The following VPS45 variants were observed in gnomAD, a reference collection of about 807,000 sequenced individuals.
VPS45 encodes the protein vacuolar protein sorting 45 homolog, also known as vacuolar protein sorting-associated protein 45.
Under a neutral mutation model 75.9 loss-of-function variants are expected in VPS45, and 35 were observed. The ratio of observed to expected loss-of-function variants is 0.46; its 90% CI spans 0.35 to 0.61. The LOEUF (loss-of-function observed/expected upper bound fraction) is 0.61, where lower values mean the gene tolerates loss of function less well. Among genes scored for constraint, VPS45 ranks in the 20% least tolerant of loss-of-function variants. The pLI, the probability that VPS45 is intolerant of heterozygous loss-of-function variation, is 0.00. For synonymous variants in VPS45, 220 were observed against 238.2 expected (o/e 0.92, Z 0.70); for missense variants, 559 against 685.9 (o/e 0.81, Z 2.07).
Position 150,077,158 on chromosome 1 carries a change from C to G in VPS45, c.503C>G (p.Ser168Cys). 1 of 1,614,106 alleles carries G rather than the reference C, an allele frequency of 6.2e-7. No individual in the cohort carries two copies. ...CAAGGGCTTACAGCTCTCCTTTTAT[C>G]TCTGAAGAAGTGTCCCATGATTCGT... ...TTQGLTALLL[S>C]LKKCPMIRYQ... is the part of the protein sequence containing the mutation. Residue 168 changes from serine (S) to cysteine (C), a missense_variant, in exon 6 of 15, where the codon TCT (serine) becomes TGT (cysteine). Transcript: ENST00000644510.
chr1:150,138,262 C>G (rs1344045559), intron 14 of VPS45, among the ~76,000 whole-genome samples: 6 of 152,098 alleles, frequency 3.9e-5, no homozygotes, highest in African/African-American at 1.4e-4. Context: ...AGTTCCCTTA[C>G]TTATTTTTTA....
chr1:150,131,625 A>G (rs1553812386), intron 14 of VPS45, among the ~76,000 whole-genome samples: 1 of 151,276 alleles, frequency 6.6e-6, no homozygotes, highest in Non-Finnish European at 1.5e-5. Flanking sequence ...ACTTGAGGCC[A>G]GGAGTTCGAG....
intron 2 of VPS45, among the ~76,000 whole-genome samples, chr1:150,070,177 C>T (rs1357779896): frequency 2.0e-5 from 3 of 152,080 alleles, no homozygotes; most frequent in African/African-American, 7.2e-5. Context: ...TCTTTATCTC[C>T]CTATTGTGTG....
At chr1:150,117,455 G>T (rs1457632048) in intron 14 of VPS45, among the ~76,000 whole-genome samples, 1 of 151,948 alleles carries the variant, frequency 6.6e-6, no homozygotes, top group Non-Finnish European at 1.5e-5. Flanking sequence ...CTGGGAGGCG[G>T]AGGTTGCAGT....
intron 12 of VPS45, 52 bp from the exon 13 acceptor site, chr1:150,093,475 T>C: frequency 6.3e-7 from 1 of 1,595,350 alleles, no homozygotes; most frequent in Non-Finnish European, 8.5e-7. Context: ...TATTAATTCT[T>C]GTGTTGCCAA....
rs587634525 is a variant in VPS45 at position 150,079,938 on chromosome 1, C to T, written c.688-1404C>T. On this transcript the variant is annotated intron_variant, in intron 7 of 14. Transcript: ENST00000644510. ...TATTATTCTGTCTCCCAAAGAAAAG[C>T]AACTATTTATCCCACAGATTTCACT... Among the ~76,000 whole-genome samples, 5 of 152,236 alleles carry T rather than the reference C, an allele frequency of 3.3e-5. No individual in the cohort carries two copies. The East Asian group carries it at 9.6e-4, about 29-fold the overall frequency.
intron 14 of VPS45, among the ~76,000 whole-genome samples, chr1:150,144,195 C>A (rs1659555626): frequency 6.6e-6 from 1 of 152,010 alleles, no homozygotes; most frequent in Non-Finnish European, 1.5e-5. Flanking sequence ...GCAATCCACC[C>A]GCCTCAGCCT....
At chr1:150,139,396 A>G (rs76491073) in intron 14 of VPS45, among the ~76,000 whole-genome samples, 230 of 152,238 alleles carry the variant, frequency 1.5e-3, no homozygotes, top group African/African-American at 5.4e-3. Flanking sequence ...TCTTTCCCAG[A>G]TACATGCTCT....
In VPS45 at chr1:150,077,113, C is replaced by T; in HGVS notation, c.458C>T (p.Ala153Val). Residue 153 changes from alanine (A) to valine (V), a missense_variant, in exon 6 of 15, where the codon GCC (alanine) becomes GTC (valine). Physicochemically the swap from Ala to Val is moderately conservative, Grantham distance 64 (BLOSUM62 0). Coordinates refer to ENST00000644510, the MANE Select transcript of VPS45 (RefSeq NM_007259.5). ...AAAAAGGGTCGAAATTGGGATCCAG[C>T]CCAGCTATCTAGAACAACTCAAGGG... is the stretch of plus-strand genomic sequence containing the variant. ...GCCQGRNWDP[A>V]QLSRTTQGLT... The T allele has an allele frequency of 1.2e-6, 2 of 1,613,988 alleles. No individual in the cohort carries two copies. Among genetic ancestry groups the T allele is most frequent in the Non-Finnish European group, 1.7e-6 (2 of 1,179,980 alleles).
chr1:150,139,794 G>A (rs1553814792), intron 14 of VPS45, among the ~76,000 whole-genome samples: 1 of 152,158 alleles, frequency 6.6e-6, no homozygotes, highest in African/African-American at 2.4e-5. Flanking sequence ...CAAGCAATAG[G>A]ATTAAAAATA....
chr1:150,100,986 C>G (rs1656946385), intron 13 of VPS45, among the ~76,000 whole-genome samples: 1 of 152,086 alleles, frequency 6.6e-6, no homozygotes, highest in African/African-American at 2.4e-5. Flanking sequence ...CTATAAAGAA[C>G]TTAAACAAAT....
chr1:150,107,176 T>C (rs886472917), intron 13 of VPS45, among the ~76,000 whole-genome samples: 4 of 152,232 alleles, frequency 2.6e-5, no homozygotes, highest in Admixed American at 2.6e-4. Flanking sequence ...AAAACTCATC[T>C]ATTCCCATGG....
rs1434087138 is a variant in VPS45, at chr1:150,075,074, A to G, written c.290-1159A>G. On this transcript the variant is annotated intron_variant, in intron 3 of 14. Coordinates refer to ENST00000644510, the MANE Select transcript of VPS45 (RefSeq NM_007259.5). The stretch of plus-strand genomic sequence containing the variant: ...TTCCCAGGTTCAAGTGATGTTGCCC[A>G]GGCTGGTCTTGAACTCTTAGTACCA... 1.5e-5 allele frequency among the ~76,000 whole-genome samples: 2 copies of G among 132,964 alleles called. 1 individual carries two copies. The highest frequency in any genetic ancestry group is 6.0e-5 in the African/African-American group (2 of 33,432). 87.2% of individuals were successfully genotyped at this position (132,964 alleles called of 152,430 possible).
intron 6 of VPS45, 192 bp from the exon 7 acceptor site, chr1:150,077,477 A>C: frequency 1.5e-6 from 1 of 679,462 alleles, no homozygotes; most frequent in Non-Finnish European, 2.4e-6. Context: ...CCACTTATAA[A>C]ATAGGGTTTC....
intron 14 of VPS45, among the ~76,000 whole-genome samples, chr1:150,134,725 C>G (rs587729579): frequency 1.8e-4 from 28 of 152,280 alleles, no homozygotes; most frequent in Non-Finnish European, 3.8e-4. Flanking sequence ...CAGGTAACCT[C>G]AATCATTTTT....
intron 14 of VPS45, among the ~76,000 whole-genome samples, chr1:150,125,850 G>C (rs1658488784): frequency 6.6e-6 from 1 of 151,840 alleles, no homozygotes; most frequent in South Asian, 2.1e-4. Context: ...ACCACTCCCA[G>C]CTAATTTTTG....
intron 14 of VPS45, among the ~76,000 whole-genome samples, chr1:150,136,020 G>A (rs782548652): frequency 2.6e-5 from 4 of 150,950 alleles, no homozygotes; most frequent in East Asian, 4.0e-4. Flanking sequence ...AGGCCAAGGC[G>A]GGTGGATCAC....
chr1:150,069,581 C>G (rs948022672), intron 2 of VPS45, among the ~76,000 whole-genome samples: 1 of 149,978 alleles, frequency 6.7e-6, no homozygotes, highest in African/African-American at 2.5e-5. Flanking sequence ...CTCAGCCTCC[C>G]GAGTAGCTGG....
intron 14 of VPS45, among the ~76,000 whole-genome samples, chr1:150,118,702 G>A (rs1039927986): frequency 1.3e-5 from 2 of 152,070 alleles, no homozygotes; most frequent in Non-Finnish European, 2.9e-5. Context: ...CACCGCACCC[G>A]GCCTCAACAA....
Sources: allele counts gnomAD v4.1 joint callset (sites outside exome capture counted in the v4.1 genomes callset), GRCh38; gene constraint gnomAD v4.1.1; transcripts MANE v1.5; gene names NCBI Gene and HGNC (gene_info 2026-07-23, HGNC 2026-07-21).